CHST11: variants seen among roughly 807,000 people sequenced by gnomAD.
The protein encoded by CHST11 is C4S-1.
CHST11 carries 9 observed loss-of-function variants against 30.4 expected under a neutral mutation model. The observed-to-expected ratio is 0.30, with a 90% CI of 0.18 to 0.52. The LOEUF (loss-of-function observed/expected upper bound fraction) is 0.52. Among genes scored for constraint, CHST11 ranks in the 20% least tolerant of loss-of-function variants. The pLI is 0.97. For missense variants in CHST11, 348 were observed against 460.6 expected (o/e 0.76, Z 2.24); for synonymous variants, 152 against 187.8 (o/e 0.81, Z 1.56).
chr12:104,508,077 G>A (rs562965379), intron 1 of CHST11, among the ~76,000 whole-genome samples: 7 of 152,106 alleles, frequency 4.6e-5, no homozygotes, highest in Non-Finnish European at 7.4e-5. Flanking sequence ...TGGTCTCCTC[G>A]ACCTTGAGAC....
At chr12:104,709,672 G>A (rs2097511429) in intron 2 of CHST11, among the ~76,000 whole-genome samples, 2 of 152,102 alleles carry the variant, frequency 1.3e-5, no homozygotes, top group Admixed American at 1.3e-4. Context: ...CCCGTCGCAG[G>A]GCACCCTGCG....
At chr12:104,596,558 A>T (rs1338717402) in intron 1 of CHST11, among the ~76,000 whole-genome samples, 1 of 133,182 alleles carries the variant, frequency 7.5e-6, no homozygotes, top group African/African-American at 2.9e-5. Context: ...AAATAAACAG[A>T]CGTGGGTTGT....
intron 1 of CHST11, among the ~76,000 whole-genome samples, chr12:104,566,701 T>C (rs2038570643): frequency 6.6e-6 from 1 of 152,162 alleles, no homozygotes; most frequent in Non-Finnish European, 1.5e-5. Context: ...TTTGAAAGAA[T>C]AGGTCTTTAG....
chr12:104,746,471 C>T (rs1057245394), intron 2 of CHST11, among the ~76,000 whole-genome samples: 2 of 152,308 alleles, frequency 1.3e-5, no homozygotes, highest in Non-Finnish European at 1.5e-5. Context: ...TCAGCTGAGG[C>T]TGGCTTGGGG....
At chr12:104,521,054 A>C (rs59472543) in intron 1 of CHST11, among the ~76,000 whole-genome samples, 11,666 of 152,244 alleles carry the variant, frequency 0.077, 827 homozygotes, top group African/African-American at 0.19. Flanking sequence ...TAGTAATCAT[A>C]ATAAGGATAA....
At chr12:104,708,212 C>T (rs1316951850) in intron 2 of CHST11, among the ~76,000 whole-genome samples, 1 of 152,208 alleles carries the variant, frequency 6.6e-6, no homozygotes, top group Admixed American at 6.5e-5. Context: ...GCAGTTAGGC[C>T]AACTTGGGTT....
chr12:104,473,953 AC>A (rs1183766532), intron 1 of CHST11, among the ~76,000 whole-genome samples: 1 of 152,104 alleles, frequency 6.6e-6, no homozygotes, highest in Non-Finnish European at 1.5e-5. Flanking sequence ...GACCACTACA[AC>A]CACGACAGGG....
intron 1 of CHST11, among the ~76,000 whole-genome samples, chr12:104,555,774 TAA>T (rs2038448727): frequency 6.6e-6 from 1 of 152,264 alleles, no homozygotes; most frequent in Admixed American, 6.5e-5. Flanking sequence ...TAGGCTCCAT[TAA>T]ACAGCTTGTC....
chr12:104,740,756 T>C (rs938326064), intron 2 of CHST11, among the ~76,000 whole-genome samples: 2 of 152,220 alleles, frequency 1.3e-5, no homozygotes, highest in African/African-American at 4.8e-5. Flanking sequence ...CCCGGGTCTG[T>C]GTCCCTGCCA....
intron 2 of CHST11, among the ~76,000 whole-genome samples, chr12:104,696,114 A>G (rs961364231): frequency 2.6e-5 from 4 of 152,100 alleles, no homozygotes; most frequent in African/African-American, 7.2e-5. Flanking sequence ...CGCCATCTGC[A>G]TGCTCCCTTT....
In CHST11 at chr12:104,750,241, C is replaced by A. The variant is rs117247656; in HGVS notation, c.205-6708C>A. Among the ~76,000 whole-genome samples, 1,514 of 151,832 alleles carry A rather than the reference C, an allele frequency of 1.0e-2. 45 individuals carry two copies. The East Asian group carries it at 0.12, about 12-fold the overall frequency. The stretch of plus-strand genomic sequence containing the variant: ...GAGGAAGTGGTAAGGAAACCGAGTC[C>A]TCATGCAGCACAGAAAGGGAAGCTC... On this transcript the variant is annotated intron_variant, in intron 2 of 2. Coordinates refer to ENST00000303694, the MANE Select transcript of CHST11 (RefSeq NM_018413.6).
intron 2 of CHST11, among the ~76,000 whole-genome samples, chr12:104,648,225 T>G (rs919125965): frequency 1.3e-5 from 2 of 152,210 alleles, no homozygotes; most frequent in African/African-American, 4.8e-5. Context: ...TTTCCACTGT[T>G]TCACTCTCAT....
chr12:104,611,652 G>A (rs1272531424), intron 2 of CHST11, among the ~76,000 whole-genome samples: 1 of 152,190 alleles, frequency 6.6e-6, no homozygotes, highest in East Asian at 1.9e-4. Context: ...CCCTAGAGGT[G>A]CAGAGGCGGC....
At chr12:104,505,341 C>A (rs74391429) in intron 1 of CHST11, among the ~76,000 whole-genome samples, 1 of 152,148 alleles carries the variant, frequency 6.6e-6, no homozygotes, top group Non-Finnish European at 1.5e-5. Flanking sequence ...CACACCCCCC[C>A]AGCAGAGAGC....
intron 1 of CHST11, among the ~76,000 whole-genome samples, chr12:104,530,430 T>C (rs574344873): frequency 1.3e-5 from 2 of 152,342 alleles, no homozygotes; most frequent in South Asian, 4.1e-4. Flanking sequence ...TCTTGAGACC[T>C]TTTTATACCC....
chr12:104,670,845 A>G (rs1372303506), intron 2 of CHST11, among the ~76,000 whole-genome samples: 1 of 150,446 alleles, frequency 6.6e-6, no homozygotes, highest in Non-Finnish European at 1.5e-5. Flanking sequence ...ACACACTCCC[A>G]CACATACCCC....
chr12:104,748,261 T>G (rs1592873108), intron 2 of CHST11, among the ~76,000 whole-genome samples: 1 of 152,318 alleles, frequency 6.6e-6, no homozygotes, highest in East Asian at 1.9e-4. Flanking sequence ...GACATTAGAT[T>G]ACAGTCATTT....
intron 2 of CHST11, among the ~76,000 whole-genome samples, chr12:104,734,538 G>A (rs1482238802): frequency 6.6e-6 from 1 of 152,158 alleles, no homozygotes; most frequent in Non-Finnish European, 1.5e-5. Context: ...TGTTTCTCCC[G>A]CCCCTAGTTC....
chr12:104,739,653 A>T (rs1252186822), intron 2 of CHST11, among the ~76,000 whole-genome samples: 1 of 152,150 alleles, frequency 6.6e-6, no homozygotes, highest in African/African-American at 2.4e-5. Flanking sequence ...ATGAGAAAAA[A>T]CTTTTAACTG....
Sources: allele counts gnomAD v4.1 joint callset (sites outside exome capture counted in the v4.1 genomes callset), GRCh38; gene constraint gnomAD v4.1.1; transcripts MANE v1.5; gene names NCBI Gene and HGNC (gene_info 2026-07-23, HGNC 2026-07-21).